CHN2: variants seen among roughly 807,000 people sequenced by gnomAD.
CHN2 encodes chimerin 2.
In CHN2, 35 loss-of-function variants were observed where a neutral mutation model predicts 56.3. That is an observed-to-expected ratio of 0.62 (90% confidence interval 0.47 to 0.82). CHN2 has a LOEUF of 0.82. Ranked by LOEUF, CHN2 falls within the 40% of genes least tolerant of loss-of-function variation. The probability of loss-of-function intolerance (pLI) is 0.00; values close to 1 mark genes in which losing one functional copy is unlikely to be tolerated. For synonymous variants in CHN2, 210 were observed against 212.8 expected, an observed-to-expected ratio of 0.99 and a Z score of 0.12; for missense variants, 491 against 580.5, an observed-to-expected ratio of 0.85 and a Z score of 1.58.
chr7:29,264,621 G>A (rs1165129291), intron 1 of CHN2, among the ~76,000 whole-genome samples: 1 of 152,044 alleles, frequency 6.6e-6, no homozygotes, highest in Non-Finnish European at 1.5e-5. Flanking sequence ...CAGCATACTC[G>A]TTAAGGGTCA....
intron 2 of CHN2, among the ~76,000 whole-genome samples, chr7:29,169,769 G>A (rs1169362968): frequency 2.0e-5 from 3 of 152,054 alleles, no homozygotes; most frequent in Non-Finnish European, 4.4e-5. Flanking sequence ...CAGAGCTGGT[G>A]TGCCTATAGA....
Position 29,158,080 on chromosome 7 carries a change from C to G in CHN2, c.274+11120C>G, listed in dbSNP as rs542591607. Among the ~76,000 whole-genome samples, 57 of 152,244 alleles carry G rather than the reference C, an allele frequency of 3.7e-4. 1 individual carries two copies. Among genetic ancestry groups the G allele is most frequent in the African/African-American group, 1.4e-3 (57 of 41,556 alleles). ...TAAAGGAGAAAAAAGACACAATGAG[C>G]TCATCACTCCTCCAAATTCCCATCT... is the stretch of plus-strand genomic sequence containing the variant. On this transcript the variant is annotated intron_variant, in intron 2 of 6. Coordinates refer to the CHN2 transcript ENST00000439384.
chr7:29,418,712 G>C (rs1476592622), intron 6 of CHN2, among the ~76,000 whole-genome samples: 1 of 152,158 alleles, frequency 6.6e-6, no homozygotes. Flanking sequence ...TTGGTGGGAG[G>C]TGGAAAGACC....
At chr7:29,462,421 G>T (rs2128138800) in intron 6 of CHN2, among the ~76,000 whole-genome samples, 1 of 152,278 alleles carries the variant, frequency 6.6e-6, no homozygotes, top group East Asian at 1.9e-4. Context: ...GCTTGCTTCT[G>T]CTTCATCCTG....
chr7:29,350,530 A>T (rs1797801779), intron 1 of CHN2, among the ~76,000 whole-genome samples: 1 of 152,222 alleles, frequency 6.6e-6, no homozygotes, highest in Non-Finnish European at 1.5e-5. Flanking sequence ...CCACTGAAGC[A>T]TGACAAATGG....
chr7:29,201,175 G>C (rs774886392), intron 1 of CHN2, among the ~76,000 whole-genome samples: 7 of 152,162 alleles, frequency 4.6e-5, no homozygotes, highest in Non-Finnish European at 1.0e-4. Flanking sequence ...ATAAGAGCTG[G>C]ACTGACTAGA....
chr7:29,447,067 G>A (rs990165899), intron 6 of CHN2, among the ~76,000 whole-genome samples: 2 of 152,170 alleles, frequency 1.3e-5, no homozygotes, highest in African/African-American at 4.8e-5. Flanking sequence ...CCAGCGCCTG[G>A]CAAGGTAAAA....
At chr7:29,230,423 C>G (rs571518691) in intron 1 of CHN2, among the ~76,000 whole-genome samples, 1 of 152,318 alleles carries the variant, frequency 6.6e-6, no homozygotes, top group African/African-American at 2.4e-5. Context: ...TCACTGCAGC[C>G]TGTGCCTCCC....
intron 5 of CHN2, among the ~76,000 whole-genome samples, chr7:29,399,829 A>C (rs768703450): frequency 3.3e-5 from 5 of 152,202 alleles, no homozygotes; most frequent in Non-Finnish European, 7.3e-5. Flanking sequence ...AGGTGTGCAA[A>C]ATAATTTCCT....
intron 6 of CHN2, chr7:29,479,931 AGCCGG>A (rs1786962122): frequency 6.9e-7 from 1 of 1,439,912 alleles, no homozygotes; most frequent in Non-Finnish European, 9.1e-7. Flanking sequence ...CTTATTCAGA[AGCCGG>A]GCCCCCTCCA....
At chr7:29,282,037 G>A (rs370985166) in intron 1 of CHN2, among the ~76,000 whole-genome samples, 11 of 151,990 alleles carry the variant, frequency 7.2e-5, no homozygotes, top group African/African-American at 2.7e-4. Flanking sequence ...GATAGAACAG[G>A]CCGGGATGGG....
At chr7:29,469,019 T>TG (rs1785808393) in intron 6 of CHN2, among the ~76,000 whole-genome samples, 1 of 152,170 alleles carries the variant, frequency 6.6e-6, no homozygotes, top group Non-Finnish European at 1.5e-5. Context: ...ATACCCAAAA[T>TG]GGAGCAGCTG....
At chr7:29,316,925 A>G (rs1004921700) in intron 1 of CHN2, among the ~76,000 whole-genome samples, 3 of 152,230 alleles carry the variant, frequency 2.0e-5, no homozygotes, top group African/African-American at 7.2e-5. Flanking sequence ...TTATTGCTAC[A>G]AAAAGGGGTG....
intron 1 of CHN2, among the ~76,000 whole-genome samples, chr7:29,267,537 C>T (rs749802054): frequency 1.3e-5 from 2 of 152,088 alleles, no homozygotes; most frequent in Non-Finnish European, 2.9e-5. Context: ...GTCACCATGC[C>T]CGGCCTAAGT....
At chr7:29,495,898 C>A in intron 7 of CHN2, 54 bp from the exon 8 acceptor site, 1 of 1,484,484 alleles carries the variant, frequency 6.7e-7, no homozygotes. Context: ...CTGAGGCTAC[C>A]TGCCTTTAAA....
intron 6 of CHN2, among the ~76,000 whole-genome samples, chr7:29,433,770 C>T (rs944249801): frequency 6.0e-5 from 9 of 150,736 alleles, no homozygotes; most frequent in African/African-American, 1.7e-4. Context: ...ACCCAGGAGA[C>T]GGAGGTTGCA....
intron 1 of CHN2, among the ~76,000 whole-genome samples, chr7:29,316,816 T>A (rs1490407188): frequency 1.3e-5 from 2 of 152,098 alleles, no homozygotes; most frequent in African/African-American, 2.4e-5. Flanking sequence ...ATAATCTTGG[T>A]ATAGTCTCCT....
intron 8 of CHN2, among the ~76,000 whole-genome samples, chr7:29,498,227 ATG>A (rs1789510153): frequency 6.6e-6 from 1 of 152,244 alleles, no homozygotes; most frequent in Non-Finnish European, 1.5e-5. Context: ...TTCAGACACT[ATG>A]CTAAACACTT....
At chr7:29,388,563 A>C (rs977223297) in intron 3 of CHN2, among the ~76,000 whole-genome samples, 5 of 152,202 alleles carry the variant, frequency 3.3e-5, no homozygotes, top group Admixed American at 3.3e-4. Context: ...AAGAAAACTG[A>C]GGAGTATAGA....
Sources: allele counts gnomAD v4.1 joint callset (sites outside exome capture counted in the v4.1 genomes callset), GRCh38; gene constraint gnomAD v4.1.1; transcripts MANE v1.5; gene names NCBI Gene and HGNC (gene_info 2026-07-23, HGNC 2026-07-21).